The following LANCL3 variants were observed in gnomAD, a reference collection of about 807,000 sequenced individuals.
The protein encoded by LANCL3 is LanC like family member 3.
A neutral mutation model predicts 26.5 loss-of-function variants in LANCL3; 19 were observed. The observed-to-expected ratio is 0.72, with a 90% CI of 0.50 to 1.05. The LOEUF (loss-of-function observed/expected upper bound fraction) is 1.05, where lower values mean the gene tolerates loss of function less well. Among genes scored for constraint, LANCL3 ranks in the 50% least tolerant of loss-of-function variants. The probability of loss-of-function intolerance (pLI) is 0.00; values close to 1 mark genes in which losing one functional copy is unlikely to be tolerated. For missense variants in LANCL3, 318 were observed against 362.7 expected, an observed-to-expected ratio of 0.88 and a Z score of 1.00; for synonymous variants, 160 against 166.6, an observed-to-expected ratio of 0.96 and a Z score of 0.30.
rs1227628975 is a variant in LANCL3 at position 37,679,945 on chromosome X, TCTC to T, written c.*4135_*4137del. On this transcript the variant is annotated 3_prime_UTR_variant, in exon 5 of 5. Transcript: ENST00000378619. ...CAGGACCACCCCTGATTCACCAACT[TCTC>T]CTTCTTCTCCTCTTTAAATATTATA... is the stretch of plus-strand genomic sequence containing the variant. The T allele has an allele frequency of 3.6e-5, 4 of 111,304 alleles. No homozygotes were observed. Among genetic ancestry groups the T allele is most frequent in the Non-Finnish European group, 7.5e-5 (4 of 53,074 alleles). The allele number at this position is 111,304 out of a possible 1,213,427, so 9.2% of individuals were successfully genotyped here.
chrX:37,655,947 A>C, intron 2 of LANCL3, 136 bp downstream of exon 2: 1 of 492,044 alleles, frequency 2.0e-6, no homozygotes, highest in South Asian at 4.3e-5. Flanking sequence ...AATTTTCTTT[A>C]AAAACCTATA....
intron 1 of LANCL3, among the ~76,000 whole-genome samples, chrX:37,583,399 A>G (rs1923959087): frequency 8.9e-6 from 1 of 111,767 alleles, no homozygotes; most frequent in Non-Finnish European, 1.9e-5. Context: ...TCTATAAATT[A>G]CCTTGGGCAG....
At chrX:37,623,761 CCCAGTAT>C (rs1313416837) in intron 1 of LANCL3, among the ~76,000 whole-genome samples, 4 of 111,833 alleles carry the variant, frequency 3.6e-5, no homozygotes, top group Non-Finnish European at 7.5e-5. Flanking sequence ...ACCTCAGATT[CCCAGTAT>C]CCAGTTCTCA....
chrX:37,612,003 C>T (rs782809695), intron 1 of LANCL3, among the ~76,000 whole-genome samples: 11 of 110,687 alleles, frequency 9.9e-5, no homozygotes, highest in Admixed American at 7.7e-4. Context: ...TACAGTGGCA[C>T]GATCTCGGCT....
intron 1 of LANCL3, among the ~76,000 whole-genome samples, chrX:37,644,529 C>G (rs927482060): frequency 5.4e-5 from 6 of 111,506 alleles, no homozygotes; most frequent in African/African-American, 2.0e-4. Flanking sequence ...CATTAGCTTC[C>G]CACAATGTGC....
intron 3 of LANCL3, among the ~76,000 whole-genome samples, chrX:37,665,930 T>C (rs1345643092): frequency 8.9e-6 from 1 of 112,087 alleles, no homozygotes; most frequent in East Asian, 2.8e-4. Flanking sequence ...TATGAATAAA[T>C]AAGTTCAGTT....
At chrX:37,645,694 T>C (rs1245669783) in intron 1 of LANCL3, among the ~76,000 whole-genome samples, 1 of 112,039 alleles carries the variant, frequency 8.9e-6, no homozygotes, top group African/African-American at 3.2e-5. Flanking sequence ...TCTCACCTTT[T>C]CCAAAAGAAA....
chrX:37,586,951 T>C (rs1556418139), intron 1 of LANCL3, among the ~76,000 whole-genome samples: 1 of 112,199 alleles, frequency 8.9e-6, no homozygotes, highest in East Asian at 2.8e-4. Flanking sequence ...TCTTTGATGA[T>C]GGTGATGTAC....
rs185840632 is a variant in LANCL3 at position 37,624,413 on chromosome X, T to G, written c.574-31275T>G. Among the ~76,000 whole-genome samples, 9 of 112,216 alleles carry G rather than the reference T, an allele frequency of 8.0e-5. No homozygotes were observed. In the East Asian group the frequency reaches 2.2e-3, roughly 28 times the overall value. ...ATTTTTCCCATTGAATTGTTGCTCTTTTTCTAACTACTTTGTAAAATTTAA... is the reference window on the plus strand; with the variant it reads ...ATTTTTCCCATTGAATTGTTGCTCTGTTTCTAACTACTTTGTAAAATTTAA... On this transcript the variant is annotated intron_variant, in intron 1 of 4. Coordinates refer to ENST00000378619, the MANE Select transcript of LANCL3 (RefSeq NM_001170331.2).
chrX:37,627,764 A>G (rs1331838875), intron 1 of LANCL3, among the ~76,000 whole-genome samples: 2 of 111,672 alleles, frequency 1.8e-5, no homozygotes, highest in African/African-American at 6.5e-5. Context: ...ATTAACACCC[A>G]TGGGCCCAGG....
intron 1 of LANCL3, among the ~76,000 whole-genome samples, chrX:37,638,187 A>G (rs1300985311): frequency 9.0e-6 from 1 of 111,684 alleles, no homozygotes; most frequent in Non-Finnish European, 1.9e-5. Flanking sequence ...AACACTGGCT[A>G]CAGCCTGGAG....
In LANCL3 at chrX:37,655,708, C is replaced by A; in HGVS notation, c.594C>A (p.Ile198=). Residue 198 remains isoleucine (I), a synonymous_variant, in exon 2 of 5, where the codon ATC becomes ATA. Coordinates refer to ENST00000378619, the MANE Select transcript of LANCL3 (RefSeq NM_001170331.2). ...TTCAGGTGCTGACTCCAGCACAGAT[C>A]AAGTCAATTTGTCAGGCAATTCTGG... The part of the protein sequence containing the change: ...LAQEVLTPAQ[I]KSICQAILDS... The A allele has an allele frequency of 1.7e-6, 2 of 1,206,568 alleles. No homozygotes were observed. Among genetic ancestry groups the A allele is most frequent in the South Asian group, 3.5e-5 (2 of 56,455 alleles).
chrX:37,623,137 A>G (rs1556422556), intron 1 of LANCL3, among the ~76,000 whole-genome samples: 1 of 112,088 alleles, frequency 8.9e-6, no homozygotes, highest in African/African-American at 3.2e-5. Flanking sequence ...ATTCACCACC[A>G]TGAAAGCCAG....
chrX:37,588,711 A>G (rs1330912480), intron 1 of LANCL3, among the ~76,000 whole-genome samples: 3 of 112,252 alleles, frequency 2.7e-5, no homozygotes, highest in African/African-American at 9.7e-5. Context: ...AACCAAAGAA[A>G]TGAATGACTT....
chrX:37,629,460 C>T (rs1180740443), intron 1 of LANCL3, among the ~76,000 whole-genome samples: 13 of 109,496 alleles, frequency 1.2e-4, no homozygotes, highest in African/African-American at 4.0e-4. Context: ...TAATTAGATC[C>T]CATTTGTCAA....
chrX:37,604,278 T>G (rs1313120818), intron 1 of LANCL3, among the ~76,000 whole-genome samples: 1 of 112,448 alleles, frequency 8.9e-6, no homozygotes, highest in Admixed American at 9.4e-5. Flanking sequence ...TCCCTCCAAG[T>G]CTTTCTGGCT....
intron 1 of LANCL3, among the ~76,000 whole-genome samples, chrX:37,639,892 T>C (rs999423216): frequency 6.3e-5 from 7 of 111,978 alleles, no homozygotes; most frequent in Admixed American, 5.7e-4. Flanking sequence ...CAGCTGGCCA[T>C]TTCTTTCATA....
At chrX:37,603,549 A>G in intron 1 of LANCL3, among the ~76,000 whole-genome samples, 1 of 107,718 alleles carries the variant, frequency 9.3e-6, no homozygotes, top group East Asian at 2.9e-4. Context: ...TTGGTGTTCA[A>G]TGAATTGATG....
chrX:37,634,948 G>A (rs1925664879), intron 1 of LANCL3, among the ~76,000 whole-genome samples: 1 of 110,150 alleles, frequency 9.1e-6, no homozygotes, highest in Admixed American at 9.8e-5. Context: ...AAACTCTATG[G>A]AATTATATAC....
Sources: allele counts gnomAD v4.1 joint callset (sites outside exome capture counted in the v4.1 genomes callset), GRCh38; gene constraint gnomAD v4.1.1; transcripts MANE v1.5; gene names NCBI Gene and HGNC (gene_info 2026-07-23, HGNC 2026-07-21).